The following L3MBTL3 variants were observed in gnomAD, a reference collection of about 807,000 sequenced individuals.
L3MBTL3 encodes the protein lethal(3)malignant brain tumor-like protein 3.
In L3MBTL3, 27 loss-of-function variants were observed where a neutral mutation model predicts 102.3. The observed-to-expected ratio is 0.26, with a 90% CI of 0.19 to 0.36. The LOEUF (loss-of-function observed/expected upper bound fraction) is 0.36, where lower values mean the gene tolerates loss of function less well. L3MBTL3 is among the 10% of genes least tolerant of loss of function. L3MBTL3 has a pLI of 1.00. For synonymous variants in L3MBTL3, 340 were observed against 320.9 expected (o/e 1.06, Z -0.64); for missense variants, 798 against 955.3 (o/e 0.84, Z 2.17).
intron 1 of L3MBTL3, among the ~76,000 whole-genome samples, chr6:130,021,178 T>A (rs1778989982): frequency 6.6e-6 from 1 of 152,114 alleles, no homozygotes; most frequent in South Asian, 2.1e-4. Context: ...AAGTTTCAAG[T>A]GCAGCAAAAT....
At chr6:130,132,113 C>T (rs563973298) in intron 20 of L3MBTL3, among the ~76,000 whole-genome samples, 3 of 152,258 alleles carry the variant, frequency 2.0e-5, no homozygotes, top group East Asian at 3.9e-4. Flanking sequence ...AAAAACAACT[C>T]AGATGCTCAT....
intron 2 of L3MBTL3, among the ~76,000 whole-genome samples, chr6:130,027,337 G>A (rs1302275968): frequency 1.3e-5 from 2 of 152,112 alleles, no homozygotes; most frequent in African/African-American, 4.8e-5. Flanking sequence ...CATAAATTTT[G>A]TGGAATTAAG....
At chr6:130,060,816 C>T (rs112291033) in intron 10 of L3MBTL3, among the ~76,000 whole-genome samples, 1 of 151,704 alleles carries the variant, frequency 6.6e-6, no homozygotes, top group Non-Finnish European at 1.5e-5. Flanking sequence ...GTGTTTCCTC[C>T]TATGCTAGCC....
At chr6:130,092,969 T>G (rs1181062215) in intron 17 of L3MBTL3, 110 bp downstream of exon 17, 1 of 652,010 alleles carries the variant, frequency 1.5e-6, no homozygotes, top group Admixed American at 2.7e-5. Flanking sequence ...TGATGTTTCT[T>G]CTCTATGTAA....
chr6:130,094,046 T>C (rs1784209777), intron 17 of L3MBTL3, among the ~76,000 whole-genome samples: 2 of 152,240 alleles, frequency 1.3e-5, no homozygotes, highest in African/African-American at 4.8e-5. Flanking sequence ...TGAAGAAAGA[T>C]AACTAGTGTG....
Position 130,077,559 on chromosome 6 carries a change from C to T in L3MBTL3, c.1245-999C>T, listed in dbSNP as rs547597314. 2.0e-4 allele frequency among the ~76,000 whole-genome samples: 31 copies of T among 152,352 alleles called. 1 individual carries two copies. Among genetic ancestry groups the T allele is most frequent in the Admixed American group, 1.8e-3 (27 of 15,292 alleles). On this transcript the variant is annotated intron_variant, in intron 13 of 22. Coordinates refer to ENST00000361794, the MANE Select transcript of L3MBTL3 (RefSeq NM_032438.4). ...CAGCATTCAGTAGTGGTTACATGAACTCACAATGTATTATTGTCCCAGGCT... is the reference window on the plus strand; with the variant it reads ...CAGCATTCAGTAGTGGTTACATGAATTCACAATGTATTATTGTCCCAGGCT...
At chr6:130,069,937 TC>T (rs1415996398) in intron 12 of L3MBTL3, among the ~76,000 whole-genome samples, 10 of 152,236 alleles carry the variant, frequency 6.6e-5, no homozygotes, top group African/African-American at 2.4e-4. Flanking sequence ...TAGTGCCTGT[TC>T]TATCCATTCA....
chr6:130,040,638 A>T (rs1207532723), intron 2 of L3MBTL3, among the ~76,000 whole-genome samples: 1 of 152,226 alleles, frequency 6.6e-6, no homozygotes. Context: ...ATTGGCAGCT[A>T]CAAATACTGT....
At chr6:130,096,111 GT>G (rs911251538) in intron 18 of L3MBTL3, among the ~76,000 whole-genome samples, 2 of 152,082 alleles carry the variant, frequency 1.3e-5, no homozygotes, top group Admixed American at 6.6e-5. Flanking sequence ...TATAAGAACT[GT>G]TTTTTTCCCC....
chr6:130,033,081 A>G (rs1476024459), intron 2 of L3MBTL3, among the ~76,000 whole-genome samples: 1 of 152,198 alleles, frequency 6.6e-6, no homozygotes, highest in East Asian at 1.9e-4. Flanking sequence ...AAGAGGAGGA[A>G]AAGAAGGAAG....
chr6:130,049,846 CAT>C lies in L3MBTL3; in HGVS notation c.289+17_289+18del, dbSNP rs750270108. The C allele has an allele frequency of 1.1e-5, 18 of 1,606,270 alleles. No individual in the cohort carries two copies. The South Asian group carries it at 1.7e-4, about 15-fold the overall frequency. ...TGTCCCACAGGTACCTCAAACTCCA[CAT>C]GTCTGAAATGCAATTCATTTTCTAT... On this transcript the variant is annotated intron_variant, in intron 5 of 22. Transcript: ENST00000361794.
At chr6:130,105,299 A>G (rs1278268013) in intron 19 of L3MBTL3, among the ~76,000 whole-genome samples, 1 of 152,162 alleles carries the variant, frequency 6.6e-6, no homozygotes, top group Admixed American at 6.5e-5. Flanking sequence ...GGATGAACCT[A>G]GTGGGCATTT....
At chr6:130,099,277 A>G (rs907281527) in intron 18 of L3MBTL3, among the ~76,000 whole-genome samples, 1 of 152,202 alleles carries the variant, frequency 6.6e-6, no homozygotes, top group African/African-American at 2.4e-5. Flanking sequence ...GTTGCATAAT[A>G]GTAAAGAGTT....
chr6:130,067,910 A>G (rs949171238), intron 11 of L3MBTL3, among the ~76,000 whole-genome samples: 1 of 152,140 alleles, frequency 6.6e-6, no homozygotes, highest in African/African-American at 2.4e-5. Flanking sequence ...TACCTGTTTC[A>G]TTTCTATTAT....
At chr6:130,045,364 C>G (rs1297063753) in intron 3 of L3MBTL3, among the ~76,000 whole-genome samples, 1 of 152,168 alleles carries the variant, frequency 6.6e-6, no homozygotes, top group East Asian at 1.9e-4. Context: ...CTATCGCATG[C>G]TTATATAAAC....
intron 13 of L3MBTL3, among the ~76,000 whole-genome samples, chr6:130,074,167 G>C (rs1214797591): frequency 6.6e-6 from 1 of 152,116 alleles, no homozygotes; most frequent in Admixed American, 6.6e-5. Flanking sequence ...GATTTGAATA[G>C]TAATTCTTTA....
intron 3 of L3MBTL3, among the ~76,000 whole-genome samples, chr6:130,044,053 A>T (rs1327644729): frequency 6.6e-6 from 1 of 152,194 alleles, no homozygotes; most frequent in Non-Finnish European, 1.5e-5. Context: ...TTGCGCTGAC[A>T]TTCTCCAAAT....
chr6:130,093,019 A>G (rs10457540), intron 17 of L3MBTL3, among the ~76,000 whole-genome samples, 160 bp downstream of exon 17: 9,819 of 152,206 alleles, frequency 0.065, 453 homozygotes, highest in Middle Eastern at 0.11. Context: ...ACGGTCACAG[A>G]AATATAAATG....
intron 14 of L3MBTL3, among the ~76,000 whole-genome samples, chr6:130,079,960 A>G (rs1335040521): frequency 6.6e-6 from 1 of 152,190 alleles, no homozygotes; most frequent in African/African-American, 2.4e-5. Context: ...TGAAGGGTTA[A>G]AGCAAAGTAT....
Sources: allele counts gnomAD v4.1 joint callset (sites outside exome capture counted in the v4.1 genomes callset), GRCh38; gene constraint gnomAD v4.1.1; transcripts MANE v1.5; gene names NCBI Gene and HGNC (gene_info 2026-07-23, HGNC 2026-07-21).